IQGAP1: variants seen among roughly 807,000 people sequenced by gnomAD.
The protein encoded by IQGAP1 is ras GTPase-activating-like protein IQGAP1.
A neutral mutation model predicts 215.6 loss-of-function variants in IQGAP1; 66 were observed. That is an observed-to-expected ratio of 0.31 (90% CI 0.25 to 0.38). The LOEUF (loss-of-function observed/expected upper bound fraction) is 0.38. Among genes scored for constraint, IQGAP1 ranks in the 10% least tolerant of loss-of-function variants. IQGAP1 has a pLI of 1.00. For missense variants in IQGAP1, 1,712 were observed against 1,997.1 expected (o/e 0.86, Z 2.72); for synonymous variants, 772 against 728.7 (o/e 1.06, Z -0.96).
intron 2 of IQGAP1, among the ~76,000 whole-genome samples, chr15:90,415,577 G>A (rs1034245513): frequency 6.6e-5 from 10 of 152,028 alleles, no homozygotes; most frequent in Admixed American, 6.6e-4. Context: ...TGAACCGTGA[G>A]GTCTGGAGCT....
intron 14 of IQGAP1, 115 bp downstream of exon 14, chr15:90,454,667 T>A: frequency 8.6e-7 from 1 of 1,167,246 alleles, no homozygotes; most frequent in South Asian, 1.7e-5. Context: ...ATTGAAAATA[T>A]CTATATAACA....
At position 90,483,526 on chromosome 15, in the gene IQGAP1, T is replaced by G. The variant is rs1282760950; in HGVS notation, c.3721T>G (p.Phe1241Val). 1 of 1,614,082 alleles carries G rather than the reference T, an allele frequency of 6.2e-7. No homozygotes were observed. The highest frequency in any genetic ancestry group is 8.5e-7 in the Non-Finnish European group (1 of 1,180,042). ...MLQHAASNKM[F>V]LGDNAHLSII... is the part of the protein sequence containing the mutation. The stretch of plus-strand genomic sequence containing the variant: ...TCAGCATGCTGCTTCCAATAAGATG[T>G]TTCTGGGAGATAATGCCCACTTAAG... Residue 1241 changes from phenylalanine (F) to valine (V), a missense_variant, in exon 29 of 38, where the codon TTT becomes GTT. By Grantham distance (50) the Phe-to-Val change is conservative (BLOSUM62 -1). Transcript: ENST00000268182.
chr15:90,480,219 T>TAAA (rs1567140263), intron 26 of IQGAP1, among the ~76,000 whole-genome samples: 2 of 131,706 alleles, frequency 1.5e-5, no homozygotes, highest in African/African-American at 2.9e-5. Context: ...ACCCCATATC[T>TAAA]TAAAAAAAAA....
At chr15:90,418,635 G>A (rs1965087944) in intron 2 of IQGAP1, among the ~76,000 whole-genome samples, 1 of 152,098 alleles carries the variant, frequency 6.6e-6, no homozygotes, top group East Asian at 1.9e-4. Flanking sequence ...TTTTGTATAA[G>A]CATTCATTTT....
intron 3 of IQGAP1, 74 bp from the exon 4 acceptor site, chr15:90,429,515 T>G (rs1965273305): frequency 8.6e-7 from 1 of 1,160,406 alleles, no homozygotes; most frequent in Non-Finnish European, 1.2e-6. Flanking sequence ...TGAGGAAACT[T>G]TTGCGAAGAG....
At chr15:90,403,349 G>A (rs1964830643) in intron 2 of IQGAP1, among the ~76,000 whole-genome samples, 3 of 152,002 alleles carry the variant, frequency 2.0e-5, no homozygotes, top group Admixed American at 2.0e-4. Context: ...TTGACTTTTG[G>A]GGTTTTCCTT....
intron 37 of IQGAP1, 141 bp downstream of exon 37, chr15:90,497,481 G>A (rs1966288172): frequency 1.4e-5 from 8 of 581,306 alleles, no homozygotes; most frequent in Middle Eastern, 2.6e-4. Flanking sequence ...GGGGAAAGAA[G>A]CTGAGGGTTT....
At chr15:90,431,864 C>G (rs1206256773) in intron 4 of IQGAP1, among the ~76,000 whole-genome samples, 2 of 152,096 alleles carry the variant, frequency 1.3e-5, no homozygotes, top group African/African-American at 4.8e-5. Context: ...TTCATGCAGT[C>G]ATTTTTTGGT....
chr15:90,493,394 T>C (rs991104293), intron 35 of IQGAP1, among the ~76,000 whole-genome samples: 2 of 152,218 alleles, frequency 1.3e-5, no homozygotes, highest in Admixed American at 6.5e-5. Context: ...TGATTTTTTT[T>C]CCTGGGTGCT....
intron 2 of IQGAP1, among the ~76,000 whole-genome samples, chr15:90,402,643 A>G (rs2253419): frequency 0.35 from 52,876 of 152,028 alleles, 9,846 homozygotes; most frequent in East Asian, 0.67. Context: ...GTGTCAGACT[A>G]TTGCTTGGGA....
At position 90,445,848 on chromosome 15, in the gene IQGAP1, T is replaced by G. The variant is rs1423743230; in HGVS notation, c.913+2370T>G. Among the ~76,000 whole-genome samples the G allele has an allele frequency of 0.01, 305 of 29,412 alleles. 2 individuals are homozygous for G. In the African/African-American group the frequency reaches 0.11, roughly 11 times the overall value. The allele number at this position is 29,412 out of a possible 152,430, so 19.3% of individuals were successfully genotyped here. On this transcript the variant is annotated intron_variant, in intron 9 of 37. Transcript: ENST00000268182. ...CTGACCAGCATTCTTTTTTTTTGGG[T>G]TTTTTTTTTTTTTGGAGACAGAGCC... is the stretch of plus-strand genomic sequence containing the variant.
Position 90,494,738 on chromosome 15 carries a change from A to G in IQGAP1, c.4654A>G (p.Lys1552Glu), listed in dbSNP as rs1966249586. The G allele has an allele frequency of 1.2e-6, 2 of 1,609,730 alleles. No homozygotes were observed. Among genetic ancestry groups the G allele is most frequent in the Non-Finnish European group, 1.7e-6 (2 of 1,177,426 alleles). Reference protein sequence around the residue: ...GKVSKKPREMKGKKSKKISLK... With the variant: ...GKVSKKPREMEGKKSKKISLK... ...AGTCTCCAAAAAGCCTAGGGAAATG[A>G]AAGGAAAGAAAAGCAAAAAGATTTC... Residue 1552 changes from lysine (K) to glutamate (E), a missense_variant, in exon 36 of 38, where the codon AAA becomes GAA. Lys to Glu is a moderately conservative substitution (Grantham distance 56). This residue lies in a region of IQGAP1 where 691 missense variants were observed against 923.0 expected (regional missense o/e 0.75). Coordinates refer to ENST00000268182, the MANE Select transcript of IQGAP1 (RefSeq NM_003870.4).
In IQGAP1 at chr15:90,420,206, C is replaced by A. The variant is rs1010893893; in HGVS notation, c.156-5904C>A. ...CACTGTGCTAGCTCTATTTCACTTG[C>A]AATCTTATTTAATCCTCAATGACAA... On this transcript the variant is annotated intron_variant, in intron 2 of 37. Transcript: ENST00000268182. Among the ~76,000 whole-genome samples, 5 of 152,214 alleles carry A rather than the reference C, an allele frequency of 3.3e-5. 1 individual carries two copies. Among genetic ancestry groups the A allele is most frequent in the Admixed American group, 1.3e-4 (2 of 15,278 alleles).
Position 90,453,208 on chromosome 15 carries a change from A to C in IQGAP1, c.1403A>C (p.Glu468Ala), listed in dbSNP as rs937374202. ...GTGGCCCTGATCAACAGGGCATTGG[A>C]ATCAGGAGATGTGAATACAGTGTGG... ...SSVALINRAL[E>A]SGDVNTVWKQ... Residue 468 changes from glutamate (E) to alanine (A), a missense_variant, in exon 13 of 38, where the codon GAA (glutamate) becomes GCA (alanine). By Grantham distance (107) the Glu-to-Ala change is moderately radical. Coordinates refer to ENST00000268182, the MANE Select transcript of IQGAP1 (RefSeq NM_003870.4). 6.2e-7 allele frequency: 1 copy of C among 1,613,910 alleles called. No individual in the cohort carries two copies. Among genetic ancestry groups the C allele is most frequent in the Admixed American group, 1.7e-5 (1 of 60,012 alleles).
intron 14 of IQGAP1, 28 bp from the exon 15 acceptor site, chr15:90,456,124 A>G (rs749470532): frequency 3.8e-6 from 6 of 1,597,830 alleles, no homozygotes; most frequent in African/African-American, 1.4e-5. Context: ...AATTAGAAAA[A>G]AAAAACTTTC....
intron 9 of IQGAP1, among the ~76,000 whole-genome samples, chr15:90,444,374 T>A (rs1367086517): frequency 6.6e-6 from 1 of 151,904 alleles, no homozygotes; most frequent in African/African-American, 2.4e-5. Context: ...CTCAAACTCT[T>A]GGGCTCAAAC....
chr15:90,499,476 A>G (rs928661803), intron 37 of IQGAP1, among the ~76,000 whole-genome samples: 9 of 152,210 alleles, frequency 5.9e-5, no homozygotes, highest in African/African-American at 2.2e-4. Context: ...CGGGATAGAA[A>G]GTGTTCTCAT....
At chr15:90,389,272 A>T (rs928651920) in intron 1 of IQGAP1, among the ~76,000 whole-genome samples, 1 of 152,004 alleles carries the variant, frequency 6.6e-6, no homozygotes, top group Non-Finnish European at 1.5e-5. Flanking sequence ...TGCTGAACTT[A>T]CTAGCCATAC....
intron 36 of IQGAP1, among the ~76,000 whole-genome samples, chr15:90,495,571 A>C (rs1966259973): frequency 6.6e-6 from 1 of 150,782 alleles, no homozygotes; most frequent in Non-Finnish European, 1.5e-5. Context: ...ATTATACACG[A>C]CTCACCCACT....
Sources: allele counts gnomAD v4.1 joint callset (sites outside exome capture counted in the v4.1 genomes callset), GRCh38; gene constraint gnomAD v4.1.1; regional missense constraint gnomAD v4.1.1; transcripts MANE v1.5; gene names NCBI Gene and HGNC (gene_info 2026-07-23, HGNC 2026-07-21).